The following OXR1 variants were observed in gnomAD, a reference collection of about 807,000 sequenced individuals.
OXR1 encodes the protein oxidation resistance 1.
In OXR1, 41 loss-of-function variants were observed where a neutral mutation model predicts 104.6. The observed-to-expected ratio is 0.39, with a 90% CI of 0.31 to 0.51. The LOEUF (loss-of-function observed/expected upper bound fraction) is 0.51, where lower values mean the gene tolerates loss of function less well. OXR1 is among the 20% of genes least tolerant of loss of function. The pLI is 0.77. For synonymous variants in OXR1, 348 were observed against 348.4 expected, an observed-to-expected ratio of 1.00 and a Z score of 0.01; for missense variants, 955 against 1,031.9, an observed-to-expected ratio of 0.93 and a Z score of 1.02.
chr8:106,449,656 A>G (rs548442681), intron 2 of OXR1, among the ~76,000 whole-genome samples: 2 of 152,348 alleles, frequency 1.3e-5, no homozygotes, highest in South Asian at 4.1e-4. Context: ...TTTCTTAAAA[A>G]TTAAAATAAA....
intron 1 of OXR1, among the ~76,000 whole-genome samples, chr8:106,286,816 TACA>T (rs1812521315): frequency 6.6e-6 from 1 of 152,196 alleles, no homozygotes. Flanking sequence ...AATAAGATAT[TACA>T]ACTCCCGTAA....
intron 1 of OXR1, among the ~76,000 whole-genome samples, chr8:106,316,160 C>G (rs528011508): frequency 6.6e-6 from 1 of 152,258 alleles, no homozygotes; most frequent in South Asian, 2.1e-4. Flanking sequence ...CTGACAATTT[C>G]AGAAATATAG....
intron 2 of OXR1, among the ~76,000 whole-genome samples, chr8:106,423,294 A>T (rs1818976838): frequency 6.6e-6 from 1 of 152,166 alleles, no homozygotes; most frequent in Non-Finnish European, 1.5e-5. Flanking sequence ...CACACGATGG[A>T]TACCCTCAGA....
intron 3 of OXR1, among the ~76,000 whole-genome samples, chr8:106,586,181 T>G (rs1256121228): frequency 6.6e-6 from 1 of 152,076 alleles, no homozygotes; most frequent in Non-Finnish European, 1.5e-5. Flanking sequence ...ATGATTCAGG[T>G]GAGAAACATG....
chr8:106,607,936 T>C (rs1311683005), intron 3 of OXR1, among the ~76,000 whole-genome samples: 1 of 152,112 alleles, frequency 6.6e-6, no homozygotes, highest in Non-Finnish European at 1.5e-5. Context: ...AGCCTCTAGT[T>C]TTACCACTAC....
chr8:106,424,286 A>T (rs985501560), intron 2 of OXR1, among the ~76,000 whole-genome samples: 2 of 152,164 alleles, frequency 1.3e-5, no homozygotes, highest in African/African-American at 4.8e-5. Flanking sequence ...AAAAGGGAAA[A>T]TATCAGAATT....
intron 9 of OXR1, 183 bp downstream of exon 9, chr8:106,707,328 A>T (rs752362453): frequency 1.5e-6 from 1 of 677,572 alleles, no homozygotes; most frequent in South Asian, 1.6e-5. Flanking sequence ...TTCTTATCCC[A>T]CAGGTGGATT....
At chr8:106,620,653 G>A (rs891246455) in intron 3 of OXR1, among the ~76,000 whole-genome samples, 1 of 152,122 alleles carries the variant, frequency 6.6e-6, no homozygotes, top group Admixed American at 6.6e-5. Context: ...CAGGGAACAA[G>A]TTTTTAAAAC....
At chr8:106,639,288 C>T (rs1362073187) in intron 3 of OXR1, among the ~76,000 whole-genome samples, 1 of 152,166 alleles carries the variant, frequency 6.6e-6, no homozygotes, top group Non-Finnish European at 1.5e-5. Context: ...TTGTTCTGGT[C>T]TTATGGGGCC....
intron 1 of OXR1, among the ~76,000 whole-genome samples, chr8:106,331,923 G>A (rs778867129): frequency 2.1e-5 from 3 of 141,238 alleles, no homozygotes; most frequent in Admixed American, 6.9e-5. Context: ...GGGTGACAGC[G>A]AGACTCTGTC....
intron 3 of OXR1, among the ~76,000 whole-genome samples, chr8:106,563,641 A>G (rs1041845149): frequency 3.9e-5 from 6 of 152,180 alleles, no homozygotes; most frequent in African/African-American, 1.4e-4. Context: ...AAGCAGACCT[A>G]ATAAACATCT....
intron 3 of OXR1, among the ~76,000 whole-genome samples, chr8:106,663,062 GAAGATTCAA>G (rs1825930437): frequency 6.6e-6 from 1 of 152,022 alleles, no homozygotes; most frequent in African/African-American, 2.4e-5. Context: ...TATCCTTTAG[GAAGATTCAA>G]AAAAATCCAA....
chr8:106,523,776 A>AT (rs1813433419), intron 3 of OXR1, among the ~76,000 whole-genome samples: 1 of 144,472 alleles, frequency 6.9e-6, no homozygotes, highest in Non-Finnish European at 1.6e-5. Context: ...ATGGAGTGGA[A>AT]ATTTTTTTTT....
chr8:106,366,194 A>T (rs559986169), intron 2 of OXR1, among the ~76,000 whole-genome samples: 1 of 152,348 alleles, frequency 6.6e-6, no homozygotes, highest in South Asian at 2.1e-4. Flanking sequence ...TTCCTTTTGA[A>T]TATCATCCAG....
intron 2 of OXR1, among the ~76,000 whole-genome samples, chr8:106,385,351 C>T (rs1010999167): frequency 4.5e-4 from 69 of 152,254 alleles, no homozygotes; most frequent in African/African-American, 1.4e-3. Flanking sequence ...TGATATTTTA[C>T]AAATATAATA....
rs757731843 is a variant in OXR1, at chr8:106,710,726, A to G, written c.1729A>G (p.Thr577Ala). 16 of 1,603,884 alleles carry G rather than the reference A, an allele frequency of 1.0e-5. No individual in the cohort carries two copies. The highest frequency in any genetic ancestry group is 1.4e-5 in the Non-Finnish European group (16 of 1,174,500). Reference protein sequence around the residue: ...RKTFVSQASATMQQYAQRDKK... With the variant: ...RKTFVSQASAAMQQYAQRDKK... Reference sequence around the variant, plus strand: ...AACGTTTGTATCTCAAGCAAGTGCTACAATGCAACAGTATGCACAGAGAGA... The same window carrying G: ...AACGTTTGTATCTCAAGCAAGTGCTGCAATGCAACAGTATGCACAGAGAGA... Residue 577 changes from threonine to alanine, a missense_variant, in exon 10 of 17, where the codon ACA becomes GCA. Physicochemically the swap from Thr to Ala is moderately conservative, Grantham distance 58. Around this residue, in one of 2 missense-constraint regions of OXR1, gnomAD observed 849 missense variants for 852.9 expected, o/e 1.00. Transcript: ENST00000517566.
rs932526563 is a variant in OXR1, at chr8:106,484,885, A to G, written c.24-34058A>G. ...CACAGAAACCTACCTACTGATATTT[A>G]AAGCAGCTATATTTATAATTATCAA... is the stretch of plus-strand genomic sequence containing the variant. On this transcript the variant is annotated intron_variant, in intron 2 of 16. Transcript: ENST00000517566. Among the ~76,000 whole-genome samples the G allele has an allele frequency of 4.6e-5, 7 of 152,234 alleles. No individual in the cohort carries two copies. In the East Asian group the frequency reaches 1.4e-3, roughly 30 times the overall value.
chr8:106,666,653 G>A (rs929325312), intron 3 of OXR1, among the ~76,000 whole-genome samples: 2 of 152,166 alleles, frequency 1.3e-5, no homozygotes, highest in African/African-American at 2.4e-5. Flanking sequence ...AAGAGGTAAC[G>A]TCAGGAATAA....
In OXR1 at chr8:106,346,095, T is replaced by G. The variant is rs558245570; in HGVS notation, c.-138-13381T>G. ...TGGTAATGGGGTTGCAGCAGTTTAT[T>G]CCACCCCCCCTACCGCCGCCAGTGA... On this transcript the variant is annotated intron_variant, in intron 1 of 16. Transcript: ENST00000517566. Among the ~76,000 whole-genome samples the G allele has an allele frequency of 5.4e-5, 7 of 129,892 alleles. No individual in the cohort carries two copies. In the South Asian group the frequency reaches 7.5e-4, roughly 14 times the overall value. The allele number at this position is 129,892 out of a possible 152,430, so 85.2% of individuals were successfully genotyped here. A position where few individuals can be genotyped will look rare whatever the true frequency, so the allele number is the denominator to read the frequency against.
Sources: gnomAD v4.1 joint callset for allele counts (sites outside exome capture counted in the v4.1 genomes callset) on GRCh38, gnomAD v4.1.1 for gene constraint, gnomAD v4.1.1 regional missense constraint, MANE v1.5 for transcripts, NCBI Gene and HGNC (gene_info 2026-07-23, HGNC 2026-07-21) for gene names.